Variants in MET observed in about 807,000 individuals in gnomAD.
MET encodes hepatocyte growth factor receptor.
In MET, 48 loss-of-function variants were observed where a neutral mutation model predicts 133.1. That is an observed-to-expected ratio of 0.36 (90% CI 0.29 to 0.46). MET has a LOEUF of 0.46. Ranked by LOEUF, MET falls within the 20% of genes least tolerant of loss-of-function variation. The pLI, the probability that MET is intolerant of heterozygous loss-of-function variation, is 1.00. For synonymous variants in MET, 628 were observed against 616.5 expected (o/e 1.02, Z -0.28); for missense variants, 1,442 against 1,695.9 (o/e 0.85, Z 2.63).
At chr7:116,782,146 G>T in intron 18 of MET, 49 bp downstream of exon 18, 2 of 1,303,490 alleles carry the variant, frequency 1.5e-6, no homozygotes, top group South Asian at 1.2e-5. Flanking sequence ...TGACAAGGAG[G>T]AATCTGTTTC....
intron 3 of MET, among the ~76,000 whole-genome samples, chr7:116,735,055 G>T (rs372320976): frequency 6.6e-6 from 1 of 152,130 alleles, no homozygotes; most frequent in Non-Finnish European, 1.5e-5. Context: ...ATGCGAGAGG[G>T]GGTGGGGAGG....
chr7:116,730,438 T>C (rs1015715830), intron 2 of MET, among the ~76,000 whole-genome samples: 11 of 152,178 alleles, frequency 7.2e-5, no homozygotes, highest in Non-Finnish European at 1.3e-4. Flanking sequence ...GAGAGGGATA[T>C]GGTCAGATTT....
chr7:116,780,306 A>G (rs1444303132), intron 17 of MET, among the ~76,000 whole-genome samples: 2 of 152,168 alleles, frequency 1.3e-5, no homozygotes, highest in Non-Finnish European at 2.9e-5. Context: ...GAGGTAATGA[A>G]GTTGATCAAA....
chr7:116,744,087 AGC>A (rs1476695921), intron 5 of MET, among the ~76,000 whole-genome samples: 1 of 152,258 alleles, frequency 6.6e-6, no homozygotes, highest in East Asian at 1.9e-4. Flanking sequence ...AGGAAAAACC[AGC>A]GCAGAAAGGC....
At chr7:116,786,314 C>T (rs1333788633) in intron 19 of MET, among the ~76,000 whole-genome samples, 6 of 152,194 alleles carry the variant, frequency 3.9e-5, no homozygotes, top group Admixed American at 6.5e-5. Flanking sequence ...CACAGTGGGG[C>T]TTAGAGCTTC....
At chr7:116,734,326 AT>A (rs1793133380) in intron 3 of MET, among the ~76,000 whole-genome samples, 1 of 152,240 alleles carries the variant, frequency 6.6e-6, no homozygotes, top group African/African-American at 2.4e-5. Flanking sequence ...TGCTTTGCAA[AT>A]TTTTTTCTCC....
At chr7:116,743,504 A>T (rs1379752268) in intron 5 of MET, among the ~76,000 whole-genome samples, 1 of 152,250 alleles carries the variant, frequency 6.6e-6, no homozygotes, top group Non-Finnish European at 1.5e-5. Flanking sequence ...CCAGCACAGC[A>T]GTCTGAAGTT....
At chr7:116,782,156 C>T in intron 18 of MET, 59 bp downstream of exon 18, 1 of 1,185,214 alleles carries the variant, frequency 8.4e-7, no homozygotes, top group Non-Finnish European at 1.3e-6. Context: ...GAATCTGTTT[C>T]CCACTGTTCA....
rs1795171447 is a variant in MET at position 116,782,005 on chromosome 7, T to G, written c.3540T>G (p.Asp1180Glu). 1 of 1,613,040 alleles carries G rather than the reference T, an allele frequency of 6.2e-7. No individual in the cohort carries two copies. The highest frequency in any genetic ancestry group is 2.2e-5 in the East Asian group (1 of 44,856). The part of the protein sequence containing the change: ...RNETHNPTVK[D>E]LIGFGLQVAK... ...GACTGCAGAATCCAACTGTAAAAGA[T>G]CTTATTGGCTTTGGTCTTCAAGTAG... The change falls in exon 18 of 21, where the codon GAT becomes GAG. Residue 1180 changes from aspartate to glutamate, a missense_variant. Transcript: ENST00000397752.
At chr7:116,673,163 G>T (rs1796033392) in intron 1 of MET, among the ~76,000 whole-genome samples, 1 of 152,182 alleles carries the variant, frequency 6.6e-6, no homozygotes, top group Non-Finnish European at 1.5e-5. Flanking sequence ...GAGCGATGTG[G>T]CCAGTCGTAG....
chr7:116,673,459 T>C (rs564267389), intron 1 of MET, among the ~76,000 whole-genome samples: 1 of 152,190 alleles, frequency 6.6e-6, no homozygotes, highest in Non-Finnish European at 1.5e-5. Flanking sequence ...GTTAAGATGG[T>C]CCATGAATGT....
chr7:116,754,941 A>AAGAAAGAAAG (rs879396963), intron 5 of MET, among the ~76,000 whole-genome samples: 4 of 127,302 alleles, frequency 3.1e-5, no homozygotes, highest in Admixed American at 2.5e-4. Context: ...GAAAGAAAGA[A>AAGAAAGAAAG]AGAAAGAAAG....
At chr7:116,717,067 C>T (rs1446742412) in intron 2 of MET, among the ~76,000 whole-genome samples, 1 of 152,176 alleles carries the variant, frequency 6.6e-6, no homozygotes, top group Non-Finnish European at 1.5e-5. Flanking sequence ...GTTGAGGAAG[C>T]CTCTTTCTTT....
intron 12 of MET, among the ~76,000 whole-genome samples, chr7:116,770,090 C>T (rs2116986235): frequency 6.6e-6 from 1 of 152,302 alleles, no homozygotes; most frequent in Non-Finnish European, 1.5e-5. Context: ...CCAAGAGTGT[C>T]CTTCTACTGC....
At chr7:116,678,605 A>T (rs753934337) in intron 1 of MET, among the ~76,000 whole-genome samples, 3 of 152,192 alleles carry the variant, frequency 2.0e-5, no homozygotes, top group Admixed American at 1.3e-4. Flanking sequence ...TTTATTAGAG[A>T]TAGGTTGCCT....
chr7:116,715,430 G>T (rs1792153548), intron 2 of MET, among the ~76,000 whole-genome samples: 1 of 152,120 alleles, frequency 6.6e-6, no homozygotes. Flanking sequence ...GTCTCTCTGT[G>T]TCCCCTCTTC....
intron 2 of MET, among the ~76,000 whole-genome samples, chr7:116,715,000 C>T (rs889109680): frequency 6.6e-6 from 1 of 152,088 alleles, no homozygotes; most frequent in Admixed American, 6.5e-5. Context: ...GAAATTGAGG[C>T]TCATTGATCT....
At chr7:116,745,091 C>A (rs1214466956) in intron 5 of MET, among the ~76,000 whole-genome samples, 1 of 152,190 alleles carries the variant, frequency 6.6e-6, no homozygotes. Context: ...TCTCAGGATA[C>A]AAATTCAATG....
rs2116993223 is a variant in MET at position 116,771,645 on chromosome 7, C to A, written c.2878C>A (p.Gln960Lys). The A allele has an allele frequency of 6.2e-7, 1 of 1,613,698 alleles. No homozygotes were observed. Among genetic ancestry groups the A allele is most frequent in the Non-Finnish European group, 8.5e-7 (1 of 1,179,762 alleles). ...GFFLWLKKRKQIKDLGSELVR... is the reference protein window; with the variant it reads ...GFFLWLKKRKKIKDLGSELVR... ...TTTCCTGTGGCTGAAAAAGAGAAAG[C>A]AAATTAAAGGTGCATTTTTGTTACT... is the stretch of plus-strand genomic sequence containing the variant. The change falls in exon 13 of 21, where the codon CAA becomes AAA. Residue 960 changes from glutamine to lysine, a missense_variant. Around this residue, in one of 6 missense-constraint regions of MET, gnomAD observed 514 missense variants for 659.6 expected, o/e 0.78. Coordinates refer to ENST00000397752, the MANE Select transcript of MET (RefSeq NM_000245.4).
Sources: allele counts gnomAD v4.1 joint callset (sites outside exome capture counted in the v4.1 genomes callset), GRCh38; gene constraint gnomAD v4.1.1; regional missense constraint gnomAD v4.1.1; transcripts MANE v1.5; gene names NCBI Gene and HGNC (gene_info 2026-07-23, HGNC 2026-07-21).